MEI1: variants seen among roughly 807,000 people sequenced by gnomAD.
MEI1 encodes meiosis inhibitor protein 1.
A neutral mutation model predicts 146.2 loss-of-function variants in MEI1; 103 were observed. The observed-to-expected ratio is 0.70, with a 90% confidence interval of 0.60 to 0.83. The LOEUF (loss-of-function observed/expected upper bound fraction) is 0.83, where lower values mean the gene tolerates loss of function less well. MEI1 is among the 40% of genes least tolerant of loss of function. MEI1 has a pLI of 0.00. For synonymous variants in MEI1, 652 were observed against 628.2 expected (o/e 1.04, Z -0.57); for missense variants, 1,529 against 1,533.0 (o/e 1.00, Z 0.04).
intron 30 of MEI1, 85 bp from the exon 31 acceptor site, chr22:41,799,169 C>T: frequency 2.3e-6 from 3 of 1,323,418 alleles, no homozygotes; most frequent in East Asian, 2.3e-5. Flanking sequence ...CCTGACCATT[C>T]TTGACTGTTT....
At chr22:41,757,916 G>T (rs1020127908) in intron 17 of MEI1, among the ~76,000 whole-genome samples, 8 of 152,058 alleles carry the variant, frequency 5.3e-5, no homozygotes, top group African/African-American at 1.9e-4. Context: ...AGACCAGCCT[G>T]GCCAACATGG....
Position 41,732,285 on chromosome 22 carries a change from G to C in MEI1, c.1137G>C (p.Lys379Asn). Residue 379 changes from lysine to asparagine, a missense_variant, in exon 10 of 31, where the codon AAG (lysine) becomes AAC (asparagine). Around this residue, in one of 3 missense-constraint regions of MEI1, gnomAD observed 1,212 missense variants for 1,178.9 expected, o/e 1.03. Coordinates refer to ENST00000401548, the MANE Select transcript of MEI1 (RefSeq NM_152513.4). ...AVVRSLQGSL[K>N]MNNIELHKQG... is the part of the protein sequence containing the mutation. ...TGAGGAGCCTGCAGGGAAGCCTGAA[G>C]ATGAACAACATAGAGCTGCACAAGC... 1.2e-6 allele frequency: 2 copies of C among 1,612,452 alleles called. No individual in the cohort carries two copies. The highest frequency in any genetic ancestry group is 1.7e-6 in the Non-Finnish European group (2 of 1,179,360).
chr22:41,759,632 A>AATAAATAAAT (rs2074334056), intron 18 of MEI1, among the ~76,000 whole-genome samples: 1 of 135,644 alleles, frequency 7.4e-6, no homozygotes, highest in African/African-American at 3.1e-5. Flanking sequence ...TCCGTCTCAA[A>AATAAATAAAT]AAATAAATAA....
chr22:41,727,082 T>C (rs922670944), intron 7 of MEI1, among the ~76,000 whole-genome samples: 24 of 152,176 alleles, frequency 1.6e-4, no homozygotes, highest in Admixed American at 1.4e-3. Flanking sequence ...CTTTTTTTTT[T>C]CTTTTCCTGA....
intron 11 of MEI1, among the ~76,000 whole-genome samples, chr22:41,737,309 T>A (rs2072461502): frequency 6.6e-6 from 1 of 151,886 alleles, no homozygotes; most frequent in Non-Finnish European, 1.5e-5. Flanking sequence ...CGATCTCGGC[T>A]CACTGCAAGC....
chr22:41,770,544 A>C, intron 19 of MEI1, 142 bp from the exon 20 acceptor site: 1 of 719,282 alleles, frequency 1.4e-6, no homozygotes, highest in Non-Finnish European at 2.3e-6. Context: ...TTTTCTCACT[A>C]AAGTGCCTTG....
intron 17 of MEI1, among the ~76,000 whole-genome samples, chr22:41,756,421 C>T: frequency 6.6e-6 from 1 of 151,722 alleles, no homozygotes; most frequent in East Asian, 1.9e-4. Flanking sequence ...CAGGTGTGAG[C>T]CACCGCACCT....
chr22:41,739,162 G>A (rs1482483908), intron 11 of MEI1, among the ~76,000 whole-genome samples: 4 of 152,078 alleles, frequency 2.6e-5, no homozygotes, highest in Non-Finnish European at 5.9e-5. Context: ...AAATTAGCTG[G>A]GCGTGGTGGC....
chr22:41,729,927 G>A (rs2071708598), intron 8 of MEI1, 148 bp downstream of exon 8: 1 of 577,538 alleles, frequency 1.7e-6, no homozygotes, highest in South Asian at 2.8e-5. Flanking sequence ...TGAGCAATTT[G>A]TTACCGATTT....
chr22:41,770,022 T>C (rs552793852), intron 19 of MEI1, among the ~76,000 whole-genome samples: 1 of 151,566 alleles, frequency 6.6e-6, no homozygotes, highest in East Asian at 2.0e-4. Context: ...TAATCCCAGC[T>C]ACTCAGGAGG....
chr22:41,785,126 G>A (rs1011523341), intron 26 of MEI1, among the ~76,000 whole-genome samples: 4 of 150,016 alleles, frequency 2.7e-5, no homozygotes, highest in African/African-American at 9.8e-5. Context: ...TAGTAGAGAC[G>A]GGGTTTCACC....
At chr22:41,703,545 T>C in intron 2 of MEI1, 91 bp downstream of exon 2, 2 of 1,251,402 alleles carry the variant, frequency 1.6e-6, no homozygotes, top group Non-Finnish European at 2.1e-6. Context: ...CTTAGATGAT[T>C]TAGGTTTTTT....
At chr22:41,703,493 T>C in intron 2 of MEI1, 39 bp downstream of exon 2, 3 of 1,499,070 alleles carry the variant, frequency 2.0e-6, no homozygotes, top group Non-Finnish European at 2.7e-6. Flanking sequence ...GTTTTGAATG[T>C]ATAGTATGTA....
chr22:41,719,098 T>G (rs2070495176), intron 6 of MEI1, among the ~76,000 whole-genome samples: 1 of 150,084 alleles, frequency 6.7e-6, no homozygotes, highest in Non-Finnish European at 1.5e-5. Context: ...TTCTCCTGCC[T>G]CAGCCTCCCG....
At chr22:41,721,066 A>G (rs567961499) in intron 6 of MEI1, among the ~76,000 whole-genome samples, 8 of 151,400 alleles carry the variant, frequency 5.3e-5, no homozygotes. Flanking sequence ...GGCTTAAGCC[A>G]CTGCGCCCAG....
intron 19 of MEI1, among the ~76,000 whole-genome samples, chr22:41,768,763 G>A (rs6002472): frequency 1.6e-4 from 24 of 152,226 alleles, no homozygotes; most frequent in African/African-American, 5.8e-4. Context: ...GAACAGCAAC[G>A]GGGAGGTCCA....
chr22:41,720,832 C>T (rs1257559210), intron 6 of MEI1, among the ~76,000 whole-genome samples: 4 of 151,836 alleles, frequency 2.6e-5, no homozygotes, highest in Non-Finnish European at 2.9e-5. Context: ...AGTGGAGTGG[C>T]GTGATCTCTG....
chr22:41,781,484 G>C, intron 23 of MEI1, 90 bp downstream of exon 23: 3 of 1,233,616 alleles, frequency 2.4e-6, no homozygotes, highest in Non-Finnish European at 3.5e-6. Context: ...AAACAAATAG[G>C]GTTGTGTGTG....
intron 3 of MEI1, among the ~76,000 whole-genome samples, chr22:41,711,972 C>T (rs1037428949): frequency 1.3e-5 from 2 of 151,492 alleles, no homozygotes; most frequent in Non-Finnish European, 2.9e-5. Context: ...GAGGCCAAGG[C>T]GGGCGGATCA....
Sources: allele counts gnomAD v4.1 joint callset (sites outside exome capture counted in the v4.1 genomes callset), GRCh38; gene constraint gnomAD v4.1.1; regional missense constraint gnomAD v4.1.1; transcripts MANE v1.5; gene names NCBI Gene and HGNC (gene_info 2026-07-23, HGNC 2026-07-21).